MAPK10: variants seen among roughly 807,000 people sequenced by gnomAD.
MAPK10 encodes JNK3 alpha protein kinase.
A neutral mutation model predicts 59.3 loss-of-function variants in MAPK10; 25 were observed. The observed-to-expected ratio is 0.42, with a 90% CI of 0.31 to 0.59. MAPK10 has a LOEUF of 0.59. Among genes scored for constraint, MAPK10 ranks in the 20% least tolerant of loss-of-function variants. MAPK10 has a pLI of 0.15. For synonymous variants in MAPK10, 190 were observed against 200.5 expected (o/e 0.95, Z 0.44); for missense variants, 351 against 568.9 (o/e 0.62, Z 3.90).
At chr4:86,094,826 A>AT (rs1433470286) in intron 9 of MAPK10, among the ~76,000 whole-genome samples, 1 of 151,860 alleles carries the variant, frequency 6.6e-6, no homozygotes, top group African/African-American at 2.4e-5. Flanking sequence ...TTTGGACTAC[A>AT]TAAAAAAAAA....
At chr4:86,101,284 A>T in intron 7 of MAPK10, 67 bp from the exon 8 acceptor site, 1 of 1,271,044 alleles carries the variant, frequency 7.9e-7, no homozygotes, top group South Asian at 1.3e-5. Context: ...CCATTGACTC[A>T]ATCAACATAG....
At chr4:86,369,903 G>A (rs1353708133) in intron 1 of MAPK10, among the ~76,000 whole-genome samples, 4 of 152,138 alleles carry the variant, frequency 2.6e-5, no homozygotes, top group East Asian at 1.9e-4. Flanking sequence ...TTTAGGCACT[G>A]TCATAATAGG....
intron 13 of MAPK10, among the ~76,000 whole-genome samples, chr4:86,021,125 C>T (rs896729314): frequency 6.6e-6 from 1 of 152,316 alleles, no homozygotes; most frequent in East Asian, 1.9e-4. Flanking sequence ...CCCACCAGAG[C>T]AGCTAGATAC....
At chr4:86,059,932 C>A (rs1561126541) in intron 11 of MAPK10, among the ~76,000 whole-genome samples, 1 of 152,176 alleles carries the variant, frequency 6.6e-6, no homozygotes, top group South Asian at 2.1e-4. Flanking sequence ...CCCAGGTTCA[C>A]CTACTAGAGA....
chr4:86,347,664 A>T (rs948893420), intron 2 of MAPK10, among the ~76,000 whole-genome samples: 2 of 152,150 alleles, frequency 1.3e-5, no homozygotes, highest in African/African-American at 4.8e-5. Context: ...ATACAAATAG[A>T]TCCGGTGTCT....
intron 2 of MAPK10, among the ~76,000 whole-genome samples, chr4:86,317,172 G>A (rs566380395): frequency 2.6e-5 from 4 of 152,058 alleles, no homozygotes; most frequent in African/African-American, 7.2e-5. Flanking sequence ...CCAAAACCAC[G>A]TTTTGTCACT....
intron 1 of MAPK10, among the ~76,000 whole-genome samples, chr4:86,552,364 T>C (rs1467476778): frequency 6.6e-6 from 1 of 150,646 alleles, no homozygotes; most frequent in Non-Finnish European, 1.5e-5. Flanking sequence ...CAGGCTGCAG[T>C]GAGCCAAGAC....
At chr4:86,146,174 G>A (rs1039093609) in intron 4 of MAPK10, among the ~76,000 whole-genome samples, 4 of 152,176 alleles carry the variant, frequency 2.6e-5, no homozygotes, top group Non-Finnish European at 5.9e-5. Flanking sequence ...AACAGATGTA[G>A]AAAGGAAAAT....
intron 1 of MAPK10, among the ~76,000 whole-genome samples, chr4:86,509,346 A>G (rs1756032848): frequency 6.6e-6 from 1 of 152,072 alleles, no homozygotes; most frequent in South Asian, 2.1e-4. Flanking sequence ...TGTTTATACA[A>G]ATTAAGGTCT....
At chr4:86,545,327 C>A (rs1014337246) in intron 1 of MAPK10, among the ~76,000 whole-genome samples, 1 of 152,176 alleles carries the variant, frequency 6.6e-6, no homozygotes, top group Admixed American at 6.5e-5. Context: ...TGCTTTCTTT[C>A]CCCTCATCCG....
intron 1 of MAPK10, among the ~76,000 whole-genome samples, chr4:86,426,140 A>C (rs921899845): frequency 2.0e-5 from 3 of 152,220 alleles, no homozygotes; most frequent in Admixed American, 1.3e-4. Context: ...TATTTTGCTT[A>C]CATTATTTCA....
rs78851488 is a variant in MAPK10, at chr4:86,546,393, C to CAA, written c.-263+47515_-263+47516dup. ...CAAAACCCTGTCTCTACTAAAAATA[C>CAA]AAAAAAAAAAAAAATTAGCCGGACA... On this transcript the variant is annotated intron_variant, in intron 1 of 4. Coordinates refer to the MAPK10 transcript ENST00000502302. Among the ~76,000 whole-genome samples the CAA allele has an allele frequency of 5.0e-3, 661 of 131,018 alleles. 4 individuals carry two copies. The highest frequency in any genetic ancestry group is 0.017 in the African/African-American group (608 of 35,708). The allele number at this position is 131,018 out of a possible 152,430, so 86.0% of individuals were successfully genotyped here.
At chr4:86,093,820 G>C (rs559468732) in intron 9 of MAPK10, among the ~76,000 whole-genome samples, 1 of 151,952 alleles carries the variant, frequency 6.6e-6, no homozygotes, top group South Asian at 2.1e-4. Context: ...AAAGAGAAGA[G>C]TTAGCAGGCA....
At chr4:86,517,067 TTACC>T (rs1756723546) in intron 1 of MAPK10, among the ~76,000 whole-genome samples, 1 of 152,170 alleles carries the variant, frequency 6.6e-6, no homozygotes, top group South Asian at 2.1e-4. Context: ...ATGGCTTTTA[TTACC>T]TTAAGGTATG....
intron 3 of MAPK10, among the ~76,000 whole-genome samples, chr4:86,163,015 C>T (rs1581619883): frequency 6.6e-6 from 1 of 152,106 alleles, no homozygotes; most frequent in African/African-American, 2.4e-5. Context: ...CACACATAAA[C>T]ATATAATTTC....
At chr4:86,430,026 T>C (rs1207885125) in intron 1 of MAPK10, among the ~76,000 whole-genome samples, 1 of 152,054 alleles carries the variant, frequency 6.6e-6, no homozygotes, top group East Asian at 1.9e-4. Flanking sequence ...CGATAAGAAA[T>C]GGCAAGTCTC....
At chr4:86,261,545 C>A (rs1428730643) in intron 2 of MAPK10, among the ~76,000 whole-genome samples, 1 of 152,168 alleles carries the variant, frequency 6.6e-6, no homozygotes, top group Non-Finnish European at 1.5e-5. Flanking sequence ...TAGATCTATT[C>A]CCTTGACAAC....
At chr4:86,103,376 T>C in intron 5 of MAPK10, 132 bp from the exon 6 acceptor site, 1 of 594,128 alleles carries the variant, frequency 1.7e-6, no homozygotes, top group Non-Finnish European at 3.0e-6. Context: ...TGGAAAAATG[T>C]CTTGAGCTGT....
At chr4:86,353,613 G>A (rs1732824231) in intron 2 of MAPK10, among the ~76,000 whole-genome samples, 1 of 152,044 alleles carries the variant, frequency 6.6e-6, no homozygotes. Flanking sequence ...TTTATGAATT[G>A]TTTTATAAAT....
Sources: gnomAD v4.1 joint callset for allele counts (sites outside exome capture counted in the v4.1 genomes callset) on GRCh38, gnomAD v4.1.1 for gene constraint, MANE v1.5 for transcripts, NCBI Gene and HGNC (gene_info 2026-07-23, HGNC 2026-07-21) for gene names.